The following LAMA2 variants were observed in gnomAD, a reference collection of about 807,000 sequenced individuals.
LAMA2 encodes laminin subunit alpha 2.
A neutral mutation model predicts 364.8 loss-of-function variants in LAMA2; 269 were observed. The observed-to-expected ratio is 0.74, with a 90% CI of 0.67 to 0.82. The LOEUF is 0.82. LAMA2 is among the 40% of genes least tolerant of loss of function. The probability of loss-of-function intolerance (pLI) is 0.00; values close to 1 mark genes in which losing one functional copy is unlikely to be tolerated. For missense variants in LAMA2, 3,807 were observed against 3,873.2 expected (o/e 0.98, Z 0.45); for synonymous variants, 1,379 against 1,370.6 (o/e 1.01, Z -0.14).
chr6:129,366,235 C>A lies in LAMA2; in HGVS notation c.4734C>A (p.Cys1578Ter), dbSNP rs1401689375. 1 of 1,613,804 alleles carries A rather than the reference C, an allele frequency of 6.2e-7. No homozygotes were observed. Among genetic ancestry groups the A allele is most frequent in the Non-Finnish European group, 8.5e-7 (1 of 1,179,942 alleles). Residue 1578 changes from cysteine (C) to a stop codon, truncating the protein, a stop_gained, in exon 33 of 65, where the codon TGC becomes TGA. Coordinates refer to ENST00000421865, the MANE Select transcript of LAMA2 (RefSeq NM_000426.4). LOFTEE classifies it high-confidence loss of function. ...GWECVFCGDECTGLLLGDLAR... is the reference protein window; with the variant it reads ...GWECVFCGDE ...CTTTCACAGTTTGTGGAGATGAGTG[C>A]ACTGGCCTTCTTCTCGGTGACTTGG...
intron 16 of LAMA2, among the ~76,000 whole-genome samples, chr6:129,269,455 A>G (rs978417363): frequency 1.4e-5 from 2 of 147,792 alleles, no homozygotes; most frequent in African/African-American, 5.0e-5. Context: ...GATGATTTTT[A>G]TTTGATGAAA....
chr6:129,148,409 G>A (rs1416867536), intron 6 of LAMA2, among the ~76,000 whole-genome samples: 1 of 152,044 alleles, frequency 6.6e-6, no homozygotes, highest in African/African-American at 2.4e-5. Context: ...TGCATGCAGG[G>A]TGCTTTCTAT....
At chr6:128,955,383 A>G (rs1217318204) in intron 1 of LAMA2, among the ~76,000 whole-genome samples, 3 of 151,992 alleles carry the variant, frequency 2.0e-5, no homozygotes, top group Non-Finnish European at 4.4e-5. Flanking sequence ...AGGAATTGGC[A>G]GAACCAGGAT....
chr6:129,123,180 T>C (rs9482987), intron 4 of LAMA2, among the ~76,000 whole-genome samples: 46,164 of 151,162 alleles, frequency 0.31, 9,385 homozygotes, highest in African/African-American at 0.59. Flanking sequence ...GTGGTGCACG[T>C]CTGTAATCCC....
intron 29 of LAMA2, among the ~76,000 whole-genome samples, chr6:129,340,764 AGGC>A (rs1776215064): frequency 7.1e-6 from 1 of 141,752 alleles, no homozygotes; most frequent in Non-Finnish European, 1.5e-5. Context: ...TTTATTCAGG[AGGC>A]AGAGGTTGCA....
intron 39 of LAMA2, among the ~76,000 whole-genome samples, chr6:129,402,957 G>A (rs1419870795): frequency 6.6e-6 from 1 of 152,064 alleles, no homozygotes; most frequent in Non-Finnish European, 1.5e-5. Context: ...AAGCTCCAGG[G>A]AGACATTACA....
At position 129,205,478 on chromosome 6, in the gene LAMA2, G is replaced by GTATATATATATATATATATATA. The variant is rs749614184; in HGVS notation, c.1782+12641_1782+12642insTATATATATATATATATATATA. ...TCTCTTCTGGGAATTTATTCTGTAA[G>GTATATATATATATATATATATA]TATATATATATATATACACACACAC... On this transcript the variant is annotated intron_variant, in intron 12 of 64. Transcript: ENST00000421865. Among the ~76,000 whole-genome samples the GTATATATATATATATATATATA allele has an allele frequency of 7.7e-3, 896 of 115,700 alleles. 14 individuals carry two copies. The highest frequency in any genetic ancestry group is 0.014 in the African/African-American group (298 of 21,822). 75.9% of individuals were successfully genotyped at this position (115,700 alleles called of 152,430 possible).
At chr6:129,438,865 CT>C (rs1781963768) in intron 42 of LAMA2, 103 bp downstream of exon 42, 4 of 742,786 alleles carry the variant, frequency 5.4e-6, no homozygotes, top group Non-Finnish European at 1.0e-5. Flanking sequence ...GTACTATTAT[CT>C]GGAAATTAGA....
intron 32 of LAMA2, among the ~76,000 whole-genome samples, chr6:129,353,574 G>A (rs571172714): frequency 1.3e-5 from 2 of 151,812 alleles, no homozygotes; most frequent in African/African-American, 4.8e-5. Flanking sequence ...AAAATCCTCA[G>A]TGTGCTTTAG....
At chr6:129,092,596 C>A (rs1274567888) in intron 3 of LAMA2, among the ~76,000 whole-genome samples, 1 of 152,138 alleles carries the variant, frequency 6.6e-6, no homozygotes, top group African/African-American at 2.4e-5. Context: ...AAGTGCAGAA[C>A]CTCTTTAGAA....
chr6:129,068,248 C>T (rs1424618367), intron 3 of LAMA2, among the ~76,000 whole-genome samples: 1 of 152,200 alleles, frequency 6.6e-6, no homozygotes, highest in Non-Finnish European at 1.5e-5. Context: ...TATGATAAAA[C>T]ACACTGCACT....
intron 12 of LAMA2, among the ~76,000 whole-genome samples, chr6:129,193,486 G>A (rs1426794609): frequency 6.6e-5 from 10 of 152,114 alleles, no homozygotes; most frequent in Non-Finnish European, 1.5e-5. Context: ...CAGAAATACA[G>A]GCTTATTTTT....
chr6:129,324,834 T>C (rs1775176834), intron 28 of LAMA2, among the ~76,000 whole-genome samples: 1 of 152,236 alleles, frequency 6.6e-6, no homozygotes, highest in South Asian at 2.1e-4. Flanking sequence ...GGTCCTATCA[T>C]TGACCAAAAT....
Position 129,369,898 on chromosome 6 carries a change from C to A in LAMA2, c.4867C>A (p.Leu1623Met). The A allele has an allele frequency of 6.2e-7, 1 of 1,613,882 alleles. No homozygotes were observed. The highest frequency in any genetic ancestry group is 8.5e-7 in the Non-Finnish European group (1 of 1,179,800). The change falls in exon 34 of 65, where the codon CTG (leucine) becomes ATG (methionine). Residue 1623 changes from leucine (L) to methionine (M), a missense_variant. Leu to Met is a conservative substitution (Grantham distance 15). Transcript: ENST00000421865. ...GGGATGGAATCTTTTTCAGCACTTG[C>A]TGTCACCTCAGCGGGCCCCAGAGAG... ...ENMTQELKHL[L>M]SPQRAPERLI...
At chr6:129,328,484 G>A in intron 29 of LAMA2, 72 bp downstream of exon 29, 7 of 1,611,064 alleles carry the variant, frequency 4.3e-6, no homozygotes, top group Non-Finnish European at 5.9e-6. Context: ...GCATCTGCAT[G>A]CAGAGGCCAG....
At chr6:129,217,009 C>T (rs1236929696) in intron 12 of LAMA2, among the ~76,000 whole-genome samples, 2 of 151,762 alleles carry the variant, frequency 1.3e-5, no homozygotes, top group African/African-American at 2.4e-5. Context: ...GCCAACATGA[C>T]GAAACCCTGT....
intron 48 of LAMA2, among the ~76,000 whole-genome samples, chr6:129,458,657 G>T (rs1203831780): frequency 6.6e-6 from 1 of 151,892 alleles, no homozygotes; most frequent in Non-Finnish European, 1.5e-5. Context: ...GCAAGTCAGG[G>T]GCTCCGATCA....
At chr6:129,036,824 T>G (rs1179940627) in intron 1 of LAMA2, among the ~76,000 whole-genome samples, 1 of 152,200 alleles carries the variant, frequency 6.6e-6, no homozygotes, top group African/African-American at 2.4e-5. Context: ...TCAACCTTCT[T>G]TCTTTCCCCC....
intron 51 of LAMA2, among the ~76,000 whole-genome samples, chr6:129,471,187 T>C (rs1473841380): frequency 2.0e-5 from 3 of 151,896 alleles, no homozygotes; most frequent in African/African-American, 7.2e-5. Flanking sequence ...TAGCCTACTT[T>C]TCTATTTTGT....
Sources: gnomAD v4.1 joint callset for allele counts (sites outside exome capture counted in the v4.1 genomes callset) on GRCh38, gnomAD v4.1.1 for gene constraint, MANE v1.5 for transcripts, NCBI Gene and HGNC (gene_info 2026-07-23, HGNC 2026-07-21) for gene names.